KIF21A: variants seen among roughly 807,000 people sequenced by gnomAD.
KIF21A encodes the protein kinesin-like protein KIF21A.
A neutral mutation model predicts 202.9 loss-of-function variants in KIF21A; 114 were observed. That is an observed-to-expected ratio of 0.56 (90% CI 0.48 to 0.66). KIF21A has a LOEUF of 0.66. Ranked by LOEUF, KIF21A falls within the 30% of genes least tolerant of loss-of-function variation. The pLI is 0.00. For synonymous variants in KIF21A, 667 were observed against 670.8 expected, an observed-to-expected ratio of 0.99 and a Z score of 0.09; for missense variants, 1,677 against 1,994.9, an observed-to-expected ratio of 0.84 and a Z score of 3.04.
intron 1 of KIF21A, among the ~76,000 whole-genome samples, chr12:39,441,127 T>C (rs540276297): frequency 6.6e-6 from 1 of 152,330 alleles, no homozygotes; most frequent in East Asian, 1.9e-4. Context: ...TACTAAGTTA[T>C]GTTGAAGTTT....
At chr12:39,389,977 A>G (rs1421491610) in intron 1 of KIF21A, among the ~76,000 whole-genome samples, 1 of 152,110 alleles carries the variant, frequency 6.6e-6, no homozygotes, top group Non-Finnish European at 1.5e-5. Flanking sequence ...ACTACCCCAC[A>G]CACTATACAC....
At chr12:39,420,422 C>CT (rs1954157127) in intron 1 of KIF21A, among the ~76,000 whole-genome samples, 1 of 151,956 alleles carries the variant, frequency 6.6e-6, no homozygotes, top group Admixed American at 6.6e-5. Context: ...TAATGGCCAG[C>CT]TAATGAAAGC....
intron 13 of KIF21A, 55 bp downstream of exon 13, chr12:39,341,979 C>A: frequency 2.4e-6 from 3 of 1,245,252 alleles, no homozygotes; most frequent in South Asian, 2.4e-5. Flanking sequence ...TATCATCAAC[C>A]AAGAACAACC....
At chr12:39,419,892 T>A (rs549448640) in intron 1 of KIF21A, among the ~76,000 whole-genome samples, 27 of 152,084 alleles carry the variant, frequency 1.8e-4, no homozygotes, top group African/African-American at 6.0e-4. Flanking sequence ...TCGGCAGAAC[T>A]CAAGCACATC....
chr12:39,361,128 T>A (rs1446298976), intron 7 of KIF21A, among the ~76,000 whole-genome samples: 1 of 152,200 alleles, frequency 6.6e-6, no homozygotes, highest in African/African-American at 2.4e-5. Flanking sequence ...AGATCCACAG[T>A]GAAAATATCT....
chr12:39,425,000 C>T (rs1954632147), intron 1 of KIF21A, among the ~76,000 whole-genome samples: 1 of 152,064 alleles, frequency 6.6e-6, no homozygotes. Context: ...CTATCTTCAC[C>T]CTCGGTTCTA....
Position 39,332,882 on chromosome 12 carries a change from A to G in KIF21A, c.2702+11T>C. The G allele has an allele frequency of 6.2e-7, 1 of 1,612,522 alleles. No individual in the cohort carries two copies. Among genetic ancestry groups the G allele is most frequent in the Non-Finnish European group, 8.5e-7 (1 of 1,179,172 alleles). On this transcript the variant is annotated intron_variant, in intron 19 of 37. Transcript: ENST00000361418. ...AGAAGATTACATCAGCAGGAACAGA[A>G]TTATGTAGACCTGTTTCCATTTGTT... is the stretch of plus-strand genomic sequence containing the variant.
chr12:39,388,270 T>C (rs1401030635), intron 1 of KIF21A, among the ~76,000 whole-genome samples: 2 of 152,170 alleles, frequency 1.3e-5, no homozygotes, highest in African/African-American at 2.4e-5. Context: ...CCTCCCTTCT[T>C]GCTTCCTCTC....
chr12:39,362,510 C>T (rs1949312307), intron 7 of KIF21A, among the ~76,000 whole-genome samples: 1 of 151,350 alleles, frequency 6.6e-6, no homozygotes, highest in African/African-American at 2.4e-5. Context: ...AAAAAAAAAG[C>T]TGAAAAAACA....
At position 39,358,202 on chromosome 12, in the gene KIF21A, C is replaced by G. The variant is rs754258302; in HGVS notation, c.1191G>C (p.Gln397His). 5 of 1,614,078 alleles carry G rather than the reference C, an allele frequency of 3.1e-6. No homozygotes were observed. The highest frequency in any genetic ancestry group is 4.2e-6 in the Non-Finnish European group (5 of 1,179,992). ...NALRSEITRL[Q>H]MELMEYKTGK... Reference sequence around the variant, plus strand: ...CTGTTTTGTACTCCATGAGCTCCATCTGAAGTCGTGTGATTTCACTACGAA... The same window carrying G: ...CTGTTTTGTACTCCATGAGCTCCATGTGAAGTCGTGTGATTTCACTACGAA... The change falls in exon 8 of 38, where the codon CAG becomes CAC. Residue 397 changes from glutamine to histidine, a missense_variant. By Grantham distance (24) the Gln-to-His change is conservative. Around this residue, in one of 3 missense-constraint regions of KIF21A, gnomAD observed 966 missense variants for 1,180.9 expected, o/e 0.82. Transcript: ENST00000361418.
Position 39,332,284 on chromosome 12 carries a change from GC to G in KIF21A, c.2980del (p.Ala994LeufsTer17). ...NINEEMESLT[A>X]NIDYINDSIS... ...ACTGTCATTGATGTAATCGATATTAGCAGTCAGTGACTCCATCTCTTCATTG... is the reference window on the plus strand; with the variant it reads ...ACTGTCATTGATGTAATCGATATTAGAGTCAGTGACTCCATCTCTTCATTG... On this transcript the variant is annotated frameshift_variant, in exon 21 of 38. Coordinates refer to ENST00000361418, the MANE Select transcript of KIF21A (RefSeq NM_001173464.2). LOFTEE classifies it high-confidence loss of function. 6.2e-7 allele frequency: 1 copy of G among 1,613,512 alleles called. No homozygotes were observed. Among genetic ancestry groups the G allele is most frequent in the East Asian group, 2.2e-5 (1 of 44,828 alleles).
chr12:39,406,467 A>G (rs904148414), intron 1 of KIF21A, among the ~76,000 whole-genome samples: 2 of 152,198 alleles, frequency 1.3e-5, no homozygotes, highest in African/African-American at 4.8e-5. Context: ...TGGCATCTGC[A>G]CATACTTTAA....
chr12:39,298,422 G>A (rs188248533), intron 37 of KIF21A, among the ~76,000 whole-genome samples: 330 of 152,268 alleles, frequency 2.2e-3, no homozygotes, highest in Middle Eastern at 0.01. Context: ...GCTATATATT[G>A]AAAACCTCCC....
chr12:39,426,345 T>C (rs577032071), intron 1 of KIF21A, among the ~76,000 whole-genome samples: 7 of 152,136 alleles, frequency 4.6e-5, no homozygotes, highest in African/African-American at 1.7e-4. Context: ...ATGCGTGTAC[T>C]CATATCCTTG....
At chr12:39,343,549 T>G (rs1048742642) in intron 12 of KIF21A, among the ~76,000 whole-genome samples, 1 of 152,198 alleles carries the variant, frequency 6.6e-6, no homozygotes, top group Non-Finnish European at 1.5e-5. Flanking sequence ...ATACATGGAT[T>G]GATTTTTAGC....
Position 39,340,118 on chromosome 12 carries a change from A to C in KIF21A, c.2310+47T>G, listed in dbSNP as rs764226580. On this transcript the variant is annotated intron_variant, in intron 16 of 37. Transcript: ENST00000361418. ...TTGTTTATTTTTTGTCCCAAATGACAAAATCATACTGAACATCAAACGTTA... is the reference window on the plus strand; with the variant it reads ...TTGTTTATTTTTTGTCCCAAATGACCAAATCATACTGAACATCAAACGTTA... 2.7e-6 allele frequency: 4 copies of C among 1,477,530 alleles called. No individual in the cohort carries two copies. The South Asian group carries it at 4.7e-5, about 17-fold the overall frequency. 91.5% of individuals were successfully genotyped at this position (1,477,530 alleles called of 1,614,324 possible). A position where few individuals can be genotyped will look rare whatever the true frequency, so the allele number is the denominator to read the frequency against.
At chr12:39,416,858 T>C (rs1476597400) in intron 1 of KIF21A, among the ~76,000 whole-genome samples, 4 of 147,260 alleles carry the variant, frequency 2.7e-5, no homozygotes, top group African/African-American at 9.9e-5. Flanking sequence ...TGTACATATA[T>C]ATGTGTATAT....
At chr12:39,422,518 C>T (rs530578264) in intron 1 of KIF21A, among the ~76,000 whole-genome samples, 111 of 152,210 alleles carry the variant, frequency 7.3e-4, no homozygotes, top group South Asian at 6.4e-3. Context: ...GACAATAAAA[C>T]GGTAGGCAAC....
chr12:39,312,748 C>T (rs1944155263), intron 31 of KIF21A: 1 of 151,912 alleles, frequency 6.6e-6, no homozygotes, highest in Non-Finnish European at 1.5e-5. Flanking sequence ...TGCTTTATGG[C>T]ACTGGGCTAT....
Sources: allele counts gnomAD v4.1 joint callset (sites outside exome capture counted in the v4.1 genomes callset), GRCh38; gene constraint gnomAD v4.1.1; regional missense constraint gnomAD v4.1.1; transcripts MANE v1.5; gene names NCBI Gene and HGNC (gene_info 2026-07-23, HGNC 2026-07-21).